Variants in MLLT3 observed in about 807,000 individuals in gnomAD.
MLLT3 encodes MLLT3 super elongation complex subunit, also known as protein AF-9.
MLLT3 carries 4 observed loss-of-function variants against 53.2 expected under a neutral mutation model. The observed-to-expected ratio is 0.08, with a 90% CI of 0.04 to 0.17. The LOEUF is 0.17. Among genes scored for constraint, MLLT3 ranks in the 10% least tolerant of loss-of-function variants. The pLI, the probability that MLLT3 is intolerant of heterozygous loss-of-function variation, is 1.00. For synonymous variants in MLLT3, 283 were observed against 230.6 expected, an observed-to-expected ratio of 1.23 and a Z score of -2.06; for missense variants, 569 against 684.0, an observed-to-expected ratio of 0.83 and a Z score of 1.87.
intron 4 of MLLT3, among the ~76,000 whole-genome samples, chr9:20,421,693 G>A (rs1823012850): frequency 6.6e-6 from 1 of 152,142 alleles, no homozygotes; most frequent in South Asian, 2.1e-4. Context: ...TTAACTGAAA[G>A]AAGTGAAATT....
Position 20,342,077 on chromosome 9 carries a change from T to A in MLLT3, c.*4366A>T, listed in dbSNP as rs557615571. 3 of 213,212 alleles carry A rather than the reference T, an allele frequency of 1.4e-5. No homozygotes were observed. Among genetic ancestry groups the A allele is most frequent in the Admixed American group, 5.8e-5 (1 of 17,118 alleles). The allele number at this position is 213,212 out of a possible 1,614,324, so 13.2% of individuals were successfully genotyped here. On this transcript the variant is annotated 3_prime_UTR_variant, in exon 11 of 11. Coordinates refer to ENST00000380338, the MANE Select transcript of MLLT3 (RefSeq NM_004529.4). ...GGATGTCTCAGATCTCCCCATCTAT[T>A]CTTCTTTAGAAACAGCATCACTTCT...
intron 4 of MLLT3, among the ~76,000 whole-genome samples, chr9:20,416,110 T>C (rs1822864508): frequency 6.6e-6 from 1 of 152,002 alleles, no homozygotes; most frequent in Non-Finnish European, 1.5e-5. Context: ...TTATAAATTC[T>C]ATTACATTTC....
In MLLT3 at chr9:20,515,215, G is replaced by A. The variant is rs561968478; in HGVS notation, c.194-58429C>T. On this transcript the variant is annotated intron_variant, in intron 2 of 10. Transcript: ENST00000380338. ...CCTGCCTTAGTCTCCCAAAGTGCTG[G>A]GATTACAGGCGTGAGCCACTGCGCC... Among the ~76,000 whole-genome samples the A allele has an allele frequency of 1.7e-3, 255 of 152,140 alleles. 1 individual carries two copies. Among genetic ancestry groups the A allele is most frequent in the Middle Eastern group, 0.014 (4 of 294 alleles).
At chr9:20,550,026 G>C (rs953703010) in intron 2 of MLLT3, among the ~76,000 whole-genome samples, 4 of 152,128 alleles carry the variant, frequency 2.6e-5, no homozygotes, top group Non-Finnish European at 4.4e-5. Flanking sequence ...TGCTAACTAA[G>C]GAATTGCTTC....
intron 2 of MLLT3, among the ~76,000 whole-genome samples, chr9:20,604,402 C>CA (rs1311519035): frequency 7.1e-6 from 1 of 139,960 alleles, no homozygotes; most frequent in East Asian, 2.1e-4. Context: ...TCTTCAGATA[C>CA]AAAAAACAAA....
At chr9:20,508,104 C>A (rs775645588) in intron 2 of MLLT3, among the ~76,000 whole-genome samples, 17 of 152,148 alleles carry the variant, frequency 1.1e-4, no homozygotes, top group Non-Finnish European at 1.8e-4. Flanking sequence ...CTCCTACTAA[C>A]CAGAATCACA....
chr9:20,451,914 G>A (rs948490273), intron 3 of MLLT3, among the ~76,000 whole-genome samples: 2 of 152,088 alleles, frequency 1.3e-5, no homozygotes, highest in Non-Finnish European at 2.9e-5. Context: ...GGGTTGTTTT[G>A]TTGAGCACAA....
chr9:20,588,731 G>C (rs1266979966), intron 2 of MLLT3, among the ~76,000 whole-genome samples: 2 of 152,126 alleles, frequency 1.3e-5, no homozygotes, highest in South Asian at 2.1e-4. Flanking sequence ...ATCAGCTTAA[G>C]GAGATTTTGG....
At chr9:20,544,274 A>C (rs936262955) in intron 2 of MLLT3, among the ~76,000 whole-genome samples, 4 of 152,214 alleles carry the variant, frequency 2.6e-5, no homozygotes, top group Non-Finnish European at 4.4e-5. Flanking sequence ...GCATGACAGC[A>C]AAAGTATAGG....
At chr9:20,371,502 C>T (rs764119056) in intron 5 of MLLT3, among the ~76,000 whole-genome samples, 2 of 152,136 alleles carry the variant, frequency 1.3e-5, no homozygotes, top group Non-Finnish European at 2.9e-5. Context: ...TATCCTAGGG[C>T]CCTTAAGAAT....
chr9:20,510,637 C>A (rs1825512057), intron 2 of MLLT3, among the ~76,000 whole-genome samples: 1 of 147,444 alleles, frequency 6.8e-6, no homozygotes. Flanking sequence ...AAAAAAAGAT[C>A]CATTTTGCAA....
At chr9:20,622,126 C>A in intron 1 of MLLT3, 119 bp downstream of exon 1, 1 of 1,192,100 alleles carries the variant, frequency 8.4e-7, no homozygotes, top group African/African-American at 1.5e-5. Context: ...TCCCTGCAAG[C>A]CGTACCAACC....
At chr9:20,539,651 C>T (rs1279678877) in intron 2 of MLLT3, among the ~76,000 whole-genome samples, 3 of 152,188 alleles carry the variant, frequency 2.0e-5, no homozygotes, top group African/African-American at 7.2e-5. Flanking sequence ...CACTAGATAC[C>T]TCCCCTGACA....
intron 3 of MLLT3, among the ~76,000 whole-genome samples, chr9:20,454,848 A>G (rs951184530): frequency 1.3e-5 from 2 of 152,222 alleles, no homozygotes; most frequent in African/African-American, 2.4e-5. Flanking sequence ...CTGAAAAGTG[A>G]GCAAAATGAG....
chr9:20,353,401 A>C, intron 10 of MLLT3, 124 bp downstream of exon 10: 3 of 784,328 alleles, frequency 3.8e-6, no homozygotes, highest in Non-Finnish European at 6.7e-6. Flanking sequence ...ATACATCTAC[A>C]GGTGGCATTC....
At chr9:20,489,608 A>G (rs762127598) in intron 2 of MLLT3, among the ~76,000 whole-genome samples, 1 of 152,206 alleles carries the variant, frequency 6.6e-6, no homozygotes, top group Non-Finnish European at 1.5e-5. Flanking sequence ...ATACTCAGCC[A>G]TCACAATAGC....
chr9:20,395,437 A>C (rs1271941581), intron 5 of MLLT3, among the ~76,000 whole-genome samples: 1 of 152,182 alleles, frequency 6.6e-6, no homozygotes, highest in East Asian at 1.9e-4. Flanking sequence ...TATTCATAAT[A>C]GTCAAATTAA....
chr9:20,426,003 A>T (rs1184557771), intron 4 of MLLT3, among the ~76,000 whole-genome samples: 1 of 152,042 alleles, frequency 6.6e-6, no homozygotes, highest in African/African-American at 2.4e-5. Context: ...AAAATATATA[A>T]TGCCCTTTTT....
chr9:20,412,159 A>T (rs1432330787), intron 5 of MLLT3, among the ~76,000 whole-genome samples: 1 of 152,218 alleles, frequency 6.6e-6, no homozygotes, highest in Non-Finnish European at 1.5e-5. Context: ...GACAATTTTG[A>T]TTGAATAATC....
Sources: gnomAD v4.1 joint callset for allele counts (sites outside exome capture counted in the v4.1 genomes callset) on GRCh38, gnomAD v4.1.1 for gene constraint, MANE v1.5 for transcripts, NCBI Gene and HGNC (gene_info 2026-07-23, HGNC 2026-07-21) for gene names.